COL22A1: variants seen among roughly 807,000 people sequenced by gnomAD.
COL22A1 encodes collagen type XXII alpha 1 chain.
In COL22A1, 221 loss-of-function variants were observed where a neutral mutation model predicts 248.9. The ratio of observed to expected loss-of-function variants is 0.89; its 90% CI spans 0.80 to 0.99. The LOEUF is 0.99. Ranked by LOEUF, COL22A1 falls within the 50% of genes least tolerant of loss-of-function variation. The pLI is 0.00. For missense variants in COL22A1, 2,240 were observed against 2,179.0 expected, an observed-to-expected ratio of 1.03 and a Z score of -0.56; for synonymous variants, 891 against 793.4, an observed-to-expected ratio of 1.12 and a Z score of -2.07.
In COL22A1 at chr8:138,636,888, AT is replaced by A; in HGVS notation, c.3502-94del. On this transcript the variant is annotated intron_variant, in intron 47 of 64. Transcript: ENST00000303045. Reference sequence around the variant, plus strand: ...CATGCATTCATTCATCCATTCATTAATTCTCCAAAAATCTCTTATCAAGTTC... The same window carrying A: ...CATGCATTCATTCATCCATTCATTAATCTCCAAAAATCTCTTATCAAGTTC... 2.8e-6 allele frequency: 3 copies of A among 1,072,688 alleles called. No individual in the cohort carries two copies. The East Asian group carries it at 7.1e-5, about 25-fold the overall frequency. The allele number at this position is 1,072,688 out of a possible 1,614,324, so 66.4% of individuals were successfully genotyped here.
intron 47 of COL22A1, among the ~76,000 whole-genome samples, chr8:138,643,647 T>TAGATAGATAGATAGACAGACAGACAGAC (rs568597361): frequency 4.5e-4 from 12 of 26,622 alleles, no homozygotes; most frequent in African/African-American, 7.1e-4. Context: ...GATAGATAGA[T>TAGATAGATAGATAGACAGACAGACAGAC]AGACAGATAG....
chr8:138,823,153 T>G (rs1252617034), intron 6 of COL22A1, among the ~76,000 whole-genome samples: 5 of 152,174 alleles, frequency 3.3e-5, no homozygotes, highest in Non-Finnish European at 7.3e-5. Flanking sequence ...ATGGGACCAA[T>G]AGTAGTGCCT....
intron 30 of COL22A1, among the ~76,000 whole-genome samples, chr8:138,712,555 C>A (rs1414162792): frequency 2.6e-5 from 1 of 38,910 alleles, no homozygotes; most frequent in African/African-American, 7.9e-5. Context: ...GCAAAGAGTA[C>A]GTGTTCTATC....
chr8:138,806,603 T>C (rs1355062084), intron 10 of COL22A1, among the ~76,000 whole-genome samples: 6 of 152,140 alleles, frequency 3.9e-5, no homozygotes. Context: ...GCTTTTGATT[T>C]CTCATCTGGA....
chr8:138,693,542 TCCTCCTAGCTAGCC>T lies in COL22A1; in HGVS notation c.2754+90_2754+103del. The T allele has an allele frequency of 2.4e-6, 3 of 1,228,596 alleles. No individual in the cohort carries two copies. The South Asian group carries it at 3.9e-5, about 16-fold the overall frequency. 76.1% of individuals were successfully genotyped at this position (1,228,596 alleles called of 1,614,324 possible). ...GTGTGGGTGAACCTTCTGGGCCACG[TCCTCCTAGCTAGCC>T]CAGAGCTGTGAGCCATAGAGCAGAG... On this transcript the variant is annotated intron_variant, in intron 35 of 64. Transcript: ENST00000303045.
At chr8:138,813,203 A>C (rs1818386774) in intron 7 of COL22A1, among the ~76,000 whole-genome samples, 184 bp from the exon 8 acceptor site, 1 of 152,084 alleles carries the variant, frequency 6.6e-6, no homozygotes, top group East Asian at 1.9e-4. Context: ...GCTAAGCATC[A>C]TCTGCTCACA....
At chr8:138,771,852 C>G (rs11991022) in intron 16 of COL22A1, among the ~76,000 whole-genome samples, 2,584 of 152,266 alleles carry the variant, frequency 0.017, 67 homozygotes, top group African/African-American at 0.058. Flanking sequence ...CCGGGGCCTG[C>G]GGAGAGCTCT....
chr8:138,808,492 CAA>C (rs1817913749), intron 9 of COL22A1, among the ~76,000 whole-genome samples: 1 of 152,060 alleles, frequency 6.6e-6, no homozygotes, highest in Non-Finnish European at 1.5e-5. Context: ...CACTAAAATA[CAA>C]AAGAGGACAT....
intron 9 of COL22A1, among the ~76,000 whole-genome samples, chr8:138,811,272 TACACAC>T (rs10566309): frequency 3.4e-5 from 5 of 148,726 alleles, no homozygotes; most frequent in African/African-American, 7.4e-5. Flanking sequence ...TATATATATA[TACACAC>T]ACACACACAC....
At chr8:138,787,166 G>C (rs1815607704) in intron 12 of COL22A1, among the ~76,000 whole-genome samples, 1 of 152,136 alleles carries the variant, frequency 6.6e-6, no homozygotes. Flanking sequence ...GAGAAGAGTG[G>C]GGAAAAGACT....
At chr8:138,878,554 C>T (rs2132046767) in intron 2 of COL22A1, among the ~76,000 whole-genome samples, 1 of 152,272 alleles carries the variant, frequency 6.6e-6, no homozygotes, top group Admixed American at 6.5e-5. Context: ...CAGTAGGTAG[C>T]ATCACATTAA....
At chr8:138,759,147 G>A (rs540220290) in intron 18 of COL22A1, among the ~76,000 whole-genome samples, 16 of 152,328 alleles carry the variant, frequency 1.1e-4, no homozygotes, top group Non-Finnish European at 1.5e-4. Flanking sequence ...CCGAGTGAGC[G>A]AGTTTGGAAG....
chr8:138,605,314 A>G (rs1818337887), intron 58 of COL22A1, among the ~76,000 whole-genome samples: 1 of 152,212 alleles, frequency 6.6e-6, no homozygotes, highest in Non-Finnish European at 1.5e-5. Context: ...CACACTGGGC[A>G]GTGGCAGGCA....
At chr8:138,732,804 T>C (rs929162687) in intron 23 of COL22A1, among the ~76,000 whole-genome samples, 8 of 152,230 alleles carry the variant, frequency 5.3e-5, no homozygotes, top group Admixed American at 4.6e-4. Flanking sequence ...ATATGATTAG[T>C]AGTTACAATG....
chr8:138,860,246 G>A lies in COL22A1; in HGVS notation c.659-16088C>T, dbSNP rs569553442. ...TCACTTCTTTAACCTTGATCTAATC[G>A]ATTTCTCATTCAGTTCTGTGTAAGA... On this transcript the variant is annotated intron_variant, in intron 3 of 64. Transcript: ENST00000303045. 3.9e-5 allele frequency among the ~76,000 whole-genome samples: 6 copies of A among 152,178 alleles called. No homozygotes were observed. The South Asian group carries it at 6.2e-4, about 16-fold the overall frequency.
At chr8:138,663,966 C>T (rs1824212943) in intron 41 of COL22A1, among the ~76,000 whole-genome samples, 1 of 151,862 alleles carries the variant, frequency 6.6e-6, no homozygotes. Flanking sequence ...CAACTGATGC[C>T]ACCCTATCAT....
At position 138,594,039 on chromosome 8, in the gene COL22A1, G is replaced by A; in HGVS notation, c.4593C>T (p.Pro1531=). ...CACCTTTGGGACCTATGGGTCCAGAGGGTCCTTCCAGACCCCCCTGCCCAG... is the reference window on the plus strand; with the variant it reads ...CACCTTTGGGACCTATGGGTCCAGAAGGTCCTTCCAGACCCCCCTGCCCAG... ...GRPGQGGLEG[P]SGPIGPKGER... Residue 1531 remains proline, a synonymous_variant, in exon 63 of 65, where the codon CCC becomes CCT. Transcript: ENST00000303045. The A allele has an allele frequency of 6.3e-7, 1 of 1,584,708 alleles. No homozygotes were observed. The highest frequency in any genetic ancestry group is 8.5e-7 in the Non-Finnish European group (1 of 1,170,398).
At chr8:138,874,400 C>T (rs1823557593) in intron 3 of COL22A1, among the ~76,000 whole-genome samples, 1 of 152,206 alleles carries the variant, frequency 6.6e-6, no homozygotes, top group South Asian at 2.1e-4. Context: ...TGTATCAGAT[C>T]CCTTTCCTTG....
chr8:138,909,081 ATAAT>A (rs1178801431), intron 1 of COL22A1, among the ~76,000 whole-genome samples: 5 of 152,258 alleles, frequency 3.3e-5, no homozygotes, highest in African/African-American at 1.2e-4. Context: ...TATCATAGTC[ATAAT>A]TATTTGGCAA....
Sources: allele counts gnomAD v4.1 joint callset (sites outside exome capture counted in the v4.1 genomes callset), GRCh38; gene constraint gnomAD v4.1.1; transcripts MANE v1.5; gene names NCBI Gene and HGNC (gene_info 2026-07-23, HGNC 2026-07-21).